Variants in KDSR observed in about 807,000 individuals in gnomAD.
The protein encoded by KDSR is 3-ketodihydrosphingosine reductase.
KDSR carries 23 observed loss-of-function variants against 41.3 expected under a neutral mutation model. The observed-to-expected ratio is 0.56, with a 90% CI of 0.40 to 0.79. The LOEUF (loss-of-function observed/expected upper bound fraction) is 0.79, where lower values mean the gene tolerates loss of function less well. KDSR is among the 30% of genes least tolerant of loss of function. The pLI is 0.00. For missense variants in KDSR, 351 were observed against 416.8 expected (o/e 0.84, Z 1.37); for synonymous variants, 138 against 151.7 (o/e 0.91, Z 0.66).
At chr18:63,354,047 C>T (rs1330003117) in intron 5 of KDSR, among the ~76,000 whole-genome samples, 1 of 152,156 alleles carries the variant, frequency 6.6e-6, no homozygotes, top group Non-Finnish European at 1.5e-5. Flanking sequence ...AGATGTTTTT[C>T]CCCTCTCCAC....
chr18:63,361,853 A>C (rs1459415090), intron 2 of KDSR, among the ~76,000 whole-genome samples: 1 of 152,160 alleles, frequency 6.6e-6, no homozygotes, highest in Non-Finnish European at 1.5e-5. Flanking sequence ...ATAGAGGTCC[A>C]AGACTAAGTC....
chr18:63,360,526 A>T (rs538798851), intron 2 of KDSR, among the ~76,000 whole-genome samples: 2 of 152,216 alleles, frequency 1.3e-5, no homozygotes, highest in African/African-American at 2.4e-5. Flanking sequence ...ATATTGTCCT[A>T]TGACTAAAGA....
At chr18:63,342,826 C>T (rs896817460) in intron 7 of KDSR, among the ~76,000 whole-genome samples, 2 of 152,094 alleles carry the variant, frequency 1.3e-5, no homozygotes, top group South Asian at 4.1e-4. Flanking sequence ...GATCTGTGTC[C>T]CCATGCAAAT....
intron 3 of KDSR, 71 bp downstream of exon 3, chr18:63,359,665 G>A (rs1039681186): frequency 3.1e-6 from 3 of 972,212 alleles, no homozygotes; most frequent in Non-Finnish European, 5.0e-6. Flanking sequence ...CACAGGTGAA[G>A]TAACTCTGTT....
intron 7 of KDSR, among the ~76,000 whole-genome samples, chr18:63,342,347 G>A (rs1914366764): frequency 6.6e-6 from 1 of 152,090 alleles, no homozygotes; most frequent in Admixed American, 6.6e-5. Context: ...CAAAGGGAGG[G>A]GAGAAGGGAA....
intron 3 of KDSR, among the ~76,000 whole-genome samples, chr18:63,357,998 AAACCCTG>A (rs1193751305): frequency 2.6e-5 from 4 of 151,752 alleles, no homozygotes; most frequent in Non-Finnish European, 5.9e-5. Flanking sequence ...CAACATGGTG[AAACCCTG>A]TCTCTACTAA....
At chr18:63,348,644 T>C (rs1322755604) in intron 6 of KDSR, among the ~76,000 whole-genome samples, 2 of 152,188 alleles carry the variant, frequency 1.3e-5, no homozygotes, top group African/African-American at 2.4e-5. Context: ...ACTCGCAGTA[T>C]GCAAATCACA....
intron 1 of KDSR, among the ~76,000 whole-genome samples, chr18:63,364,739 C>T (rs371723714): frequency 5.9e-5 from 9 of 152,274 alleles, no homozygotes; most frequent in African/African-American, 1.4e-4. Flanking sequence ...CCACTGTACC[C>T]GGCCATATCG....
At position 63,328,355 on chromosome 18, in the gene KDSR, CTT is replaced by C. The variant is rs11349419; in HGVS notation, c.*3425_*3426del. 658 of 138,572 alleles carry C rather than the reference CTT, an allele frequency of 4.7e-3. No homozygotes were observed. Among genetic ancestry groups the C allele is most frequent in the Middle Eastern group, 0.018 (5 of 284 alleles). 8.6% of individuals were successfully genotyped at this position (138,572 alleles called of 1,614,324 possible). On this transcript the variant is annotated 3_prime_UTR_variant, in exon 10 of 10. Coordinates refer to ENST00000645214, the MANE Select transcript of KDSR (RefSeq NM_002035.4). ...ACAGATCCAGATAAAGATTTTTTTT[CTT>C]TTTTTTTTTTTTTGAGACAGAGTCT...
chr18:63,332,673 T>C, intron 9 of KDSR, among the ~76,000 whole-genome samples: 2 of 151,766 alleles, frequency 1.3e-5, no homozygotes. Flanking sequence ...CTACTAAAAA[T>C]ACAAAAAAAT....
chr18:63,337,108 A>G (rs1201008895), intron 8 of KDSR, among the ~76,000 whole-genome samples: 1 of 24,416 alleles, frequency 4.1e-5, no homozygotes, highest in East Asian at 5.5e-4. Context: ...ATATATATAT[A>G]TGTGAATATA....
At chr18:63,359,518 G>T (rs1211361442) in intron 3 of KDSR, 3 of 412,676 alleles carry the variant, frequency 7.3e-6, no homozygotes, top group Non-Finnish European at 1.3e-5. Flanking sequence ...AAAACATTCT[G>T]TTATTTGACC....
chr18:63,360,829 A>G (rs1468673467), intron 2 of KDSR, among the ~76,000 whole-genome samples: 2 of 150,684 alleles, frequency 1.3e-5, no homozygotes, highest in Admixed American at 1.3e-4. Flanking sequence ...GGTTGCAGTG[A>G]GCCGAGATTG....
chr18:63,342,437 C>G (rs528396564), intron 7 of KDSR, among the ~76,000 whole-genome samples: 2 of 152,124 alleles, frequency 1.3e-5, no homozygotes, highest in South Asian at 2.1e-4. Flanking sequence ...GGGGACGACC[C>G]CAGGAGAAAT....
In KDSR at chr18:63,361,426, T is replaced by C. The variant is rs529896167; in HGVS notation, c.198+1353A>G. Among the ~76,000 whole-genome samples the C allele has an allele frequency of 9.2e-5, 14 of 152,042 alleles. 2 individuals carry two copies. Among genetic ancestry groups the C allele is most frequent in the African/African-American group, 3.4e-4 (14 of 41,454 alleles). On this transcript the variant is annotated intron_variant, in intron 2 of 9. Coordinates refer to ENST00000645214, the MANE Select transcript of KDSR (RefSeq NM_002035.4). ...CATCAAATTTGTGTTTTCATTTATG[T>C]AAGGTGGCTTCAATGCCAAAGCAAA...
chr18:63,359,682 T>C, intron 3 of KDSR, 54 bp downstream of exon 3: 2 of 1,159,288 alleles, frequency 1.7e-6, no homozygotes, highest in Non-Finnish European at 2.6e-6. Context: ...TGTTTTTCCT[T>C]TATACAGCTG....
intron 5 of KDSR, among the ~76,000 whole-genome samples, chr18:63,351,436 G>C (rs1279062728): frequency 6.6e-6 from 1 of 152,178 alleles, no homozygotes. Context: ...TAGGAAAGAG[G>C]TTCCAAGTAT....
At chr18:63,353,599 T>A (rs1914717947) in intron 5 of KDSR, among the ~76,000 whole-genome samples, 1 of 152,108 alleles carries the variant, frequency 6.6e-6, no homozygotes, top group African/African-American at 2.4e-5. Context: ...CCATCGATGA[T>A]GAATAGCTAA....
intron 4 of KDSR, 55 bp from the exon 5 acceptor site, chr18:63,355,354 C>T: frequency 6.2e-7 from 1 of 1,605,244 alleles, no homozygotes; most frequent in African/African-American, 1.3e-5. Flanking sequence ...AACCACTCAG[C>T]AGCAAATCCA....
Sources: gnomAD v4.1 joint callset for allele counts (sites outside exome capture counted in the v4.1 genomes callset) on GRCh38, gnomAD v4.1.1 for gene constraint, MANE v1.5 for transcripts, NCBI Gene and HGNC (gene_info 2026-07-23, HGNC 2026-07-21) for gene names.